The following RYK variants were observed in gnomAD, a reference collection of about 807,000 sequenced individuals.
The protein encoded by RYK is receptor like tyrosine kinase.
RYK carries 21 observed loss-of-function variants against 70.2 expected under a neutral mutation model. That is an observed-to-expected ratio of 0.30 (90% CI 0.21 to 0.43). RYK has a LOEUF of 0.43. Among genes scored for constraint, RYK ranks in the 20% least tolerant of loss-of-function variants. RYK has a pLI of 1.00. For missense variants in RYK, 604 were observed against 753.3 expected (o/e 0.80, Z 2.32); for synonymous variants, 267 against 278.0 (o/e 0.96, Z 0.39).
chr3:134,198,072 C>G (rs1312182515), intron 6 of RYK, among the ~76,000 whole-genome samples: 1 of 152,206 alleles, frequency 6.6e-6, no homozygotes, highest in Non-Finnish European at 1.5e-5. Context: ...GGACCTACCC[C>G]TGACATCCAT....
intron 1 of RYK, among the ~76,000 whole-genome samples, chr3:134,243,162 T>C (rs1559768449): frequency 6.6e-6 from 1 of 152,178 alleles, no homozygotes; most frequent in Non-Finnish European, 1.5e-5. Flanking sequence ...TTCTTTCCCT[T>C]GACCAACCAC....
chr3:134,163,047 A>G (rs1473464430), intron 13 of RYK, among the ~76,000 whole-genome samples: 1 of 152,220 alleles, frequency 6.6e-6, no homozygotes, highest in Non-Finnish European at 1.5e-5. Context: ...TACAGCAGCA[A>G]TGTAGATAAG....
chr3:134,171,140 A>T (rs1481111830), intron 13 of RYK: 2 of 152,190 alleles, frequency 1.3e-5, no homozygotes, highest in Admixed American at 6.5e-5. Flanking sequence ...TTCTCTTGTG[A>T]ATCTGCTCAC....
At chr3:134,223,672 A>T (rs1035040249) in intron 1 of RYK, among the ~76,000 whole-genome samples, 1 of 152,122 alleles carries the variant, frequency 6.6e-6, no homozygotes, top group East Asian at 1.9e-4. Flanking sequence ...AAAGACTAAG[A>T]GCAGGGAGTA....
intron 2 of RYK, among the ~76,000 whole-genome samples, chr3:134,217,709 A>G (rs1356204336): frequency 6.6e-6 from 1 of 152,204 alleles, no homozygotes; most frequent in African/African-American, 2.4e-5. Context: ...AAGGAAAGAC[A>G]ATAATCAGGC....
intron 6 of RYK, among the ~76,000 whole-genome samples, chr3:134,201,287 A>G (rs868492956): frequency 6.6e-6 from 1 of 152,224 alleles, no homozygotes; most frequent in Middle Eastern, 3.2e-3. Flanking sequence ...AGAAATGGAA[A>G]ATAAAACAGT....
intron 1 of RYK, among the ~76,000 whole-genome samples, chr3:134,242,842 CAT>C (rs1352737566): frequency 6.6e-6 from 1 of 152,204 alleles, no homozygotes; most frequent in African/African-American, 2.4e-5. Flanking sequence ...AGTTCTCTCA[CAT>C]GTGTAGCATG....
intron 1 of RYK, among the ~76,000 whole-genome samples, chr3:134,248,521 T>G (rs920363079): frequency 1.3e-5 from 2 of 152,152 alleles, no homozygotes; most frequent in African/African-American, 4.8e-5. Context: ...TTCATTTTTT[T>G]CAAAAATATG....
intron 14 of RYK, among the ~76,000 whole-genome samples, chr3:134,158,770 C>G (rs1030601084): frequency 6.6e-6 from 1 of 152,142 alleles, no homozygotes; most frequent in Non-Finnish European, 1.5e-5. Flanking sequence ...GCAAGATAAG[C>G]TATGTGATAG....
At chr3:134,229,570 TC>T (rs1377395918) in intron 1 of RYK, among the ~76,000 whole-genome samples, 1 of 151,996 alleles carries the variant, frequency 6.6e-6, no homozygotes, top group East Asian at 1.9e-4. Flanking sequence ...AAAACTTCTG[TC>T]CCTCAAAAAA....
At chr3:134,222,244 A>G (rs932645462) in intron 2 of RYK, among the ~76,000 whole-genome samples, 174 bp downstream of exon 2, 9 of 152,224 alleles carry the variant, frequency 5.9e-5, no homozygotes, top group African/African-American at 2.2e-4. Flanking sequence ...GATTCAAGAA[A>G]TTTTAGAGGA....
intron 4 of RYK, 73 bp downstream of exon 4, chr3:134,209,622 G>GA: frequency 3.4e-6 from 4 of 1,162,494 alleles, no homozygotes; most frequent in African/African-American, 1.6e-5. Context: ...TTAAATCTGT[G>GA]AAAAAACAAC....
intron 10 of RYK, chr3:134,180,560 C>G (rs1242871962): frequency 6.6e-6 from 1 of 152,168 alleles, no homozygotes; most frequent in African/African-American, 2.4e-5. Flanking sequence ...CATTTTCATT[C>G]TGCCTAACAC....
chr3:134,175,507 C>G (rs1432181890), intron 13 of RYK, 102 bp downstream of exon 13: 3 of 1,378,342 alleles, frequency 2.2e-6, no homozygotes, highest in Non-Finnish European at 3.0e-6. Context: ...CCGGGAACAG[C>G]TAGCAGATTT....
At chr3:134,243,459 C>T (rs150755425) in intron 1 of RYK, among the ~76,000 whole-genome samples, 134 of 152,300 alleles carry the variant, frequency 8.8e-4, no homozygotes, top group African/African-American at 2.9e-3. Context: ...GACCTGACTG[C>T]GCACTCTCCT....
Position 134,229,031 on chromosome 3 carries a change from A to C in RYK, c.233-6492T>G, listed in dbSNP as rs557615073. Among the ~76,000 whole-genome samples the C allele has an allele frequency of 2.6e-5, 4 of 152,292 alleles. No individual in the cohort carries two copies. The East Asian group carries it at 7.7e-4, about 29-fold the overall frequency. ...TAAAAATTTAAAAAATAAATGTTTA[A>C]AAAACTCTTCCTAGGGTTACAAGTA... On this transcript the variant is annotated intron_variant, in intron 1 of 14. Coordinates refer to ENST00000623711, the MANE Select transcript of RYK (RefSeq NM_002958.4).
intron 13 of RYK, among the ~76,000 whole-genome samples, chr3:134,173,013 T>C (rs949178255): frequency 6.6e-5 from 10 of 152,256 alleles, no homozygotes; most frequent in Non-Finnish European, 1.3e-4. Context: ...TAATCATTCA[T>C]ATTTACTTTG....
intron 1 of RYK, among the ~76,000 whole-genome samples, chr3:134,229,372 T>C (rs1441459719): frequency 1.4e-5 from 2 of 143,010 alleles, no homozygotes; most frequent in East Asian, 4.1e-4. Context: ...TTGCTCTCCT[T>C]TGGGCTGGAA....
intron 13 of RYK, chr3:134,170,657 T>C: frequency 6.5e-6 from 1 of 153,064 alleles, no homozygotes; most frequent in Non-Finnish European, 1.5e-5. Context: ...AAGAGAAGTC[T>C]AAATCTGATG....
Sources: gnomAD v4.1 joint callset for allele counts (sites outside exome capture counted in the v4.1 genomes callset) on GRCh38, gnomAD v4.1.1 for gene constraint, MANE v1.5 for transcripts, NCBI Gene and HGNC (gene_info 2026-07-23, HGNC 2026-07-21) for gene names.